GUCA1C: variants seen among roughly 807,000 people sequenced by gnomAD.
GUCA1C encodes guanylyl cyclase-activating protein 3.
GUCA1C carries 15 observed loss-of-function variants against 16.2 expected under a neutral mutation model. The ratio of observed to expected loss-of-function variants is 0.93; its 90% confidence interval spans 0.62 to 1.43. The LOEUF (loss-of-function observed/expected upper bound fraction) is 1.43. Ranked by LOEUF, GUCA1C falls within the 40% of genes most tolerant of loss-of-function variation. The probability of loss-of-function intolerance (pLI) is 0.00; values close to 1 mark genes in which losing one functional copy is unlikely to be tolerated. For missense variants in GUCA1C, 275 were observed against 244.8 expected, an observed-to-expected ratio of 1.12 and a Z score of -0.82; for synonymous variants, 78 against 85.4, an observed-to-expected ratio of 0.91 and a Z score of 0.48.
At chr3:108,947,929 A>G (rs1156584929) in intron 1 of GUCA1C, among the ~76,000 whole-genome samples, 4 of 152,210 alleles carry the variant, frequency 2.6e-5, no homozygotes, top group African/African-American at 9.6e-5. Context: ...TGAAATCCTC[A>G]AACATAGTAG....
chr3:108,929,936 G>A (rs570655804), intron 1 of GUCA1C, among the ~76,000 whole-genome samples: 91 of 152,252 alleles, frequency 6.0e-4, no homozygotes, highest in Non-Finnish European at 3.8e-4. Context: ...AGATTTTGTC[G>A]TATTCATCAA....
chr3:108,922,358 T>C (rs1946578022), intron 1 of GUCA1C, among the ~76,000 whole-genome samples: 1 of 152,224 alleles, frequency 6.6e-6, no homozygotes, highest in Non-Finnish European at 1.5e-5. Context: ...AGATACCTAG[T>C]AGTGGGATTG....
Position 108,916,067 on chromosome 3 carries a change from C to T in GUCA1C, c.442+60G>A, listed in dbSNP as rs1398821846. On this transcript the variant is annotated intron_variant, in intron 3 of 3. Coordinates refer to ENST00000261047, the MANE Select transcript of GUCA1C (RefSeq NM_005459.4). ...CCTGCTTTTGTCTAAATAACACTCC[C>T]CACTACCACCATCTCCTACTTTGTA... 3.7e-6 allele frequency: 6 copies of T among 1,603,784 alleles called. No homozygotes were observed. In the African/African-American group the frequency reaches 8.0e-5, roughly 22 times the overall value.
intron 1 of GUCA1C, among the ~76,000 whole-genome samples, chr3:108,940,297 A>T (rs541741528): frequency 6.6e-6 from 1 of 152,320 alleles, no homozygotes; most frequent in East Asian, 1.9e-4. Context: ...TAGGCCAGAA[A>T]ACCCAGTACA....
chr3:108,916,166 T>C lies in GUCA1C; in HGVS notation c.403A>G (p.Ile135Val), dbSNP rs762060027. ...GQQTLSPEEF[I>V]NLVFHKIDIN... The stretch of plus-strand genomic sequence containing the variant: ...TCGATCTTATGGAACACCAAGTTGA[T>C]GAATTCTTCAGGACTCAGAGTTTGC... The change falls in exon 3 of 4, where the codon ATC (isoleucine) becomes GTC (valine). Residue 135 changes from isoleucine (I) to valine (V), a missense_variant. Coordinates refer to ENST00000261047, the MANE Select transcript of GUCA1C (RefSeq NM_005459.4). 1 of 1,613,688 alleles carries C rather than the reference T, an allele frequency of 6.2e-7. No individual in the cohort carries two copies. The highest frequency in any genetic ancestry group is 8.5e-7 in the Non-Finnish European group (1 of 1,179,594).
chr3:108,954,757 G>A (rs895101271), upstream of GUCA1C, among the ~76,000 whole-genome samples: 5 of 122,038 alleles, frequency 4.1e-5, no homozygotes, highest in African/African-American at 1.6e-4. Context: ...TTTTTTTTGA[G>A]ATGGAGTCTC....
intron 1 of GUCA1C, among the ~76,000 whole-genome samples, chr3:108,927,194 T>C (rs1012160196): frequency 6.6e-6 from 1 of 152,204 alleles, no homozygotes; most frequent in Non-Finnish European, 1.5e-5. Context: ...GATAACCTGA[T>C]GACTATGTGC....
intron 1 of GUCA1C, among the ~76,000 whole-genome samples, chr3:108,940,006 T>C (rs1946769804): frequency 6.6e-6 from 1 of 152,212 alleles, no homozygotes; most frequent in South Asian, 2.1e-4. Flanking sequence ...TTTAAATGTA[T>C]GTCAGTGGGT....
At chr3:108,920,829 G>C (rs1218229988) in intron 1 of GUCA1C, among the ~76,000 whole-genome samples, 1 of 152,104 alleles carries the variant, frequency 6.6e-6, no homozygotes, top group Non-Finnish European at 1.5e-5. Flanking sequence ...TAGGCTCACA[G>C]CAAAATTGAA....
In GUCA1C at chr3:108,951,770, T is replaced by A. The variant is rs1576559682; in HGVS notation, c.204+1789A>T. Among the ~76,000 whole-genome samples the A allele has an allele frequency of 2.0e-5, 3 of 152,272 alleles. No homozygotes were observed. The Middle Eastern group carries it at 0.01, about 518-fold the overall frequency. On this transcript the variant is annotated intron_variant, in intron 1 of 3. Coordinates refer to ENST00000261047, the MANE Select transcript of GUCA1C (RefSeq NM_005459.4). The stretch of plus-strand genomic sequence containing the variant: ...GAATAGCAGCAGAACTTCCAAGCCA[T>A]CTAAATTAAGCTCCTGGGATGGGTC...
intron 1 of GUCA1C, among the ~76,000 whole-genome samples, chr3:108,924,339 GT>G (rs748070362): frequency 3.1e-4 from 47 of 152,062 alleles, no homozygotes; most frequent in Non-Finnish European, 6.6e-4. Flanking sequence ...TTTGCTGAGG[GT>G]TTTAATCATA....
At position 108,948,466 on chromosome 3, in the gene GUCA1C, G is replaced by A. The variant is rs58598019; in HGVS notation, c.204+5093C>T. Among the ~76,000 whole-genome samples the A allele has an allele frequency of 4.7e-3, 713 of 152,190 alleles. 8 individuals are homozygous for A. Among genetic ancestry groups the A allele is most frequent in the African/African-American group, 0.016 (679 of 41,518 alleles). On this transcript the variant is annotated intron_variant, in intron 1 of 3. Coordinates refer to ENST00000261047, the MANE Select transcript of GUCA1C (RefSeq NM_005459.4). ...TTCTTTATAAATTACCCAGTCTCAC[G>A]TAGTTCTTTATGGCAGTGTGAGAAC...
chr3:108,945,226 G>A (rs1249743156), intron 1 of GUCA1C, among the ~76,000 whole-genome samples: 1 of 152,172 alleles, frequency 6.6e-6, no homozygotes, highest in African/African-American at 2.4e-5. Context: ...GGAACCAATG[G>A]CCAGCAACAA....
intron 1 of GUCA1C, among the ~76,000 whole-genome samples, chr3:108,951,251 T>C (rs1025841835): frequency 6.6e-6 from 1 of 152,110 alleles, no homozygotes; most frequent in Admixed American, 6.6e-5. Context: ...ATTATACTTA[T>C]ACGCAACTCA....
intron 1 of GUCA1C, among the ~76,000 whole-genome samples, chr3:108,940,340 T>C (rs1946773458): frequency 6.6e-6 from 1 of 152,198 alleles, no homozygotes; most frequent in Non-Finnish European, 1.5e-5. Flanking sequence ...CACGGGTTAA[T>C]GAACAGCAGT....
intron 1 of GUCA1C, among the ~76,000 whole-genome samples, chr3:108,938,364 A>G (rs1333913093): frequency 6.6e-6 from 1 of 152,198 alleles, no homozygotes; most frequent in Non-Finnish European, 1.5e-5. Flanking sequence ...GTGAGTTGGT[A>G]GCAACATATG....
At chr3:108,939,354 C>T (rs531202674) in intron 1 of GUCA1C, among the ~76,000 whole-genome samples, 8 of 14,982 alleles carry the variant, frequency 5.3e-4, no homozygotes, top group East Asian at 1.6e-3. Flanking sequence ...TTTTTTGAGA[C>T]GGAATCTTGC....
At chr3:108,945,236 A>G (rs1452519683) in intron 1 of GUCA1C, among the ~76,000 whole-genome samples, 1 of 152,166 alleles carries the variant, frequency 6.6e-6, no homozygotes, top group Non-Finnish European at 1.5e-5. Flanking sequence ...GCCAGCAACA[A>G]AAATCTACAG....
rs114395176 is a variant in GUCA1C at position 108,932,311 on chromosome 3, T to C, written c.205-11726A>G. ...GGGGATAATGAAACATGCAGATTCC[T>C]AGACCTCCCACCAAAAAAAAAAAAA... On this transcript the variant is annotated intron_variant, in intron 1 of 3. Transcript: ENST00000261047. 8.0e-3 allele frequency among the ~76,000 whole-genome samples: 894 copies of C among 111,522 alleles called. 9 individuals are homozygous for C. The highest frequency in any genetic ancestry group is 0.029 in the African/African-American group (831 of 28,204). The allele number at this position is 111,522 out of a possible 152,430, so 73.2% of individuals were successfully genotyped here.
Sources: gnomAD v4.1 joint callset for allele counts (sites outside exome capture counted in the v4.1 genomes callset) on GRCh38, gnomAD v4.1.1 for gene constraint, MANE v1.5 for transcripts, NCBI Gene and HGNC (gene_info 2026-07-23, HGNC 2026-07-21) for gene names.